VPS13B: variants seen among roughly 807,000 people sequenced by gnomAD.
VPS13B encodes the protein vacuolar protein sorting 13 homolog B, also known as intermembrane lipid transfer protein VPS13B.
VPS13B carries 285 observed loss-of-function variants against 426.4 expected under a neutral mutation model. That is an observed-to-expected ratio of 0.67 (90% CI 0.61 to 0.74). VPS13B has a LOEUF of 0.74. VPS13B is among the 30% of genes least tolerant of loss of function. The pLI, the probability that VPS13B is intolerant of heterozygous loss-of-function variation, is 0.00. For missense variants in VPS13B, 4,537 were observed against 4,782.6 expected (o/e 0.95, Z 1.51); for synonymous variants, 1,676 against 1,676.4 (o/e 1.00, Z 0.01).
At chr8:99,174,577 T>C (rs1812528442) in intron 16 of VPS13B, among the ~76,000 whole-genome samples, 1 of 152,224 alleles carries the variant, frequency 6.6e-6, no homozygotes, top group Admixed American at 6.5e-5. Context: ...CATCTTTTCA[T>C]GTCCTATCTA....
intron 21 of VPS13B, among the ~76,000 whole-genome samples, chr8:99,405,796 T>C (rs1815293842): frequency 6.6e-6 from 1 of 151,776 alleles, no homozygotes; most frequent in Admixed American, 6.6e-5. Flanking sequence ...TTTTTTTCCT[T>C]GAGATGGAGT....
chr8:99,157,354 T>C (rs1811419024), intron 15 of VPS13B, among the ~76,000 whole-genome samples: 1 of 152,172 alleles, frequency 6.6e-6, no homozygotes, highest in African/African-American at 2.4e-5. Context: ...CAATAGTATT[T>C]GCTCACTTCG....
At chr8:99,124,796 C>T (rs535376456) in intron 8 of VPS13B, among the ~76,000 whole-genome samples, 50 of 147,264 alleles carry the variant, frequency 3.4e-4, no homozygotes, top group African/African-American at 1.1e-3. Context: ...GCAGGAGACT[C>T]GCTTGAACCT....
intron 54 of VPS13B, among the ~76,000 whole-genome samples, chr8:99,843,613 T>TA (rs1243335046): frequency 6.6e-6 from 1 of 152,172 alleles, no homozygotes; most frequent in African/African-American, 2.4e-5. Context: ...ATGAGAGACA[T>TA]ACGGCAGTCT....
intron 17 of VPS13B, among the ~76,000 whole-genome samples, chr8:99,269,949 C>T (rs1479953040): frequency 6.6e-6 from 1 of 151,640 alleles, no homozygotes; most frequent in African/African-American, 2.4e-5. Flanking sequence ...GCTTTTAGCA[C>T]TAAAAACAAA....
chr8:99,872,999 T>A (rs1473449965), intron 61 of VPS13B, among the ~76,000 whole-genome samples: 1 of 152,112 alleles, frequency 6.6e-6, no homozygotes, highest in African/African-American at 2.4e-5. Flanking sequence ...TAAACAGAGG[T>A]CAGATGTCCA....
intron 19 of VPS13B, among the ~76,000 whole-genome samples, chr8:99,362,539 G>T (rs1191156332): frequency 6.6e-6 from 1 of 152,168 alleles, no homozygotes; most frequent in Non-Finnish European, 1.5e-5. Context: ...CAATATAAAT[G>T]ATGAAGTAAG....
chr8:99,051,312 T>C (rs1843539349), intron 3 of VPS13B, among the ~76,000 whole-genome samples: 1 of 152,236 alleles, frequency 6.6e-6, no homozygotes, highest in Non-Finnish European at 1.5e-5. Context: ...CTGGTTTTTG[T>C]CAGGTCTGTC....
intron 19 of VPS13B, among the ~76,000 whole-genome samples, chr8:99,342,045 GATTT>G (rs1474382712): frequency 2.0e-5 from 3 of 152,084 alleles, no homozygotes; most frequent in Non-Finnish European, 4.4e-5. Flanking sequence ...TATTGCTGAT[GATTT>G]ATTTTTAGAA....
chr8:99,657,470 T>TGTGTCTGTGTGTGTGTGTG (rs60760111), intron 34 of VPS13B, among the ~76,000 whole-genome samples: 32 of 146,906 alleles, frequency 2.2e-4, no homozygotes, highest in African/African-American at 6.3e-4. Context: ...ACTTTAAAAA[T>TGTGTCTGTGTGTGTGTGTG]TGTGTGTGTG....
intron 35 of VPS13B, among the ~76,000 whole-genome samples, chr8:99,670,462 A>G (rs1186876782): frequency 6.6e-6 from 1 of 152,130 alleles, no homozygotes; most frequent in Non-Finnish European, 1.5e-5. Context: ...ATCACCTCAC[A>G]TAGTTACAAC....
At chr8:99,186,739 G>A (rs1813239771) in intron 16 of VPS13B, among the ~76,000 whole-genome samples, 1 of 152,120 alleles carries the variant, frequency 6.6e-6, no homozygotes, top group South Asian at 2.1e-4. Flanking sequence ...TATCCTGTGT[G>A]TATAATTGGC....
chr8:99,335,743 A>G (rs1284045632), intron 19 of VPS13B, among the ~76,000 whole-genome samples: 2 of 152,188 alleles, frequency 1.3e-5, no homozygotes, highest in Admixed American at 6.5e-5. Flanking sequence ...GAGCCAAATC[A>G]TGAGTGAACT....
At chr8:99,686,104 G>A (rs999756425) in intron 35 of VPS13B, among the ~76,000 whole-genome samples, 10 of 152,182 alleles carry the variant, frequency 6.6e-5, no homozygotes, top group Non-Finnish European at 1.3e-4. Flanking sequence ...TGTGGCTCTT[G>A]CAGACTCACA....
At chr8:99,351,429 A>AGTGTGTGTGTGTGTGTGTGT (rs751746920) in intron 19 of VPS13B, among the ~76,000 whole-genome samples, 5 of 145,394 alleles carry the variant, frequency 3.4e-5, no homozygotes, top group African/African-American at 1.4e-4. Context: ...AGAGAGAGAG[A>AGTGTGTGTGTGTGTGTGTGT]GAGAGAGTGT....
chr8:99,742,045 T>C (rs1413647298), intron 39 of VPS13B, among the ~76,000 whole-genome samples: 7 of 152,130 alleles, frequency 4.6e-5, no homozygotes, highest in Non-Finnish European at 8.8e-5. Flanking sequence ...AGCTGGTCTT[T>C]TGAAACGATC....
At chr8:99,338,074 A>G (rs549947986) in intron 19 of VPS13B, among the ~76,000 whole-genome samples, 18 of 152,194 alleles carry the variant, frequency 1.2e-4, no homozygotes, top group Non-Finnish European at 2.1e-4. Flanking sequence ...TGGTCATGCC[A>G]GTTACCATGG....
chr8:99,052,612 ACTC>A (rs1340315481), intron 3 of VPS13B, among the ~76,000 whole-genome samples: 4 of 145,114 alleles, frequency 2.8e-5, no homozygotes, highest in Non-Finnish European at 4.5e-5. Flanking sequence ...AATGGTACCA[ACTC>A]CTCCTTGTAC....
At chr8:99,873,899 C>A (rs1435122812) in intron 61 of VPS13B, among the ~76,000 whole-genome samples, 1 of 152,124 alleles carries the variant, frequency 6.6e-6, no homozygotes, top group Non-Finnish European at 1.5e-5. Flanking sequence ...CCAGTGAAGA[C>A]TAAAAGTAGT....
Sources: gnomAD v4.1 joint callset for allele counts (sites outside exome capture counted in the v4.1 genomes callset) on GRCh38, gnomAD v4.1.1 for gene constraint, MANE v1.5 for transcripts, NCBI Gene and HGNC (gene_info 2026-07-23, HGNC 2026-07-21) for gene names.